SLC9A9: variants seen among roughly 807,000 people sequenced by gnomAD.
The protein encoded by SLC9A9 is sodium/hydrogen exchanger 9.
In SLC9A9, 62 loss-of-function variants were observed where a neutral mutation model predicts 77.8. The ratio of observed to expected loss-of-function variants is 0.80; its 90% confidence interval spans 0.65 to 0.98. The LOEUF is 0.98. Among genes scored for constraint, SLC9A9 ranks in the 50% least tolerant of loss-of-function variants. The pLI, the probability that SLC9A9 is intolerant of heterozygous loss-of-function variation, is 0.00. For synonymous variants in SLC9A9, 320 were observed against 283.5 expected (o/e 1.13, Z -1.29); for missense variants, 775 against 774.9 (o/e 1.00, Z 0.00).
intron 9 of SLC9A9, among the ~76,000 whole-genome samples, chr3:143,512,584 A>C (rs2108606447): frequency 6.6e-6 from 1 of 152,370 alleles, no homozygotes; most frequent in East Asian, 1.9e-4. Context: ...ATGTCTAAAA[A>C]ACAATGTACA....
intron 6 of SLC9A9, among the ~76,000 whole-genome samples, chr3:143,618,376 C>A (rs2038143043): frequency 6.6e-6 from 1 of 152,110 alleles, no homozygotes; most frequent in African/African-American, 2.4e-5. Context: ...TGCCAATGGT[C>A]AGAGCCTTCC....
At chr3:143,790,019 T>A (rs572293164) in intron 4 of SLC9A9, among the ~76,000 whole-genome samples, 1 of 152,260 alleles carries the variant, frequency 6.6e-6, no homozygotes, top group East Asian at 1.9e-4. Context: ...AATCCCCATA[T>A]GTTAGGGGAG....
At chr3:143,355,738 C>A (rs973201276) in intron 14 of SLC9A9, among the ~76,000 whole-genome samples, 1 of 152,048 alleles carries the variant, frequency 6.6e-6, no homozygotes, top group Non-Finnish European at 1.5e-5. Flanking sequence ...CAGGATGGTG[C>A]CTGGCATGTG....
At chr3:143,712,092 C>T (rs78271877) in intron 4 of SLC9A9, among the ~76,000 whole-genome samples, 1,687 of 152,248 alleles carry the variant, frequency 0.011, 16 homozygotes, top group African/African-American at 0.031. Flanking sequence ...AAACGTACAC[C>T]GTTCTGCAAG....
intron 2 of SLC9A9, among the ~76,000 whole-genome samples, chr3:143,799,063 T>G (rs1009787122): frequency 2.0e-5 from 3 of 152,176 alleles, no homozygotes; most frequent in African/African-American, 7.2e-5. Flanking sequence ...CTCCCCCACC[T>G]GCCCAGCAAT....
chr3:143,660,234 T>C (rs1283168057), intron 5 of SLC9A9, among the ~76,000 whole-genome samples: 1 of 152,154 alleles, frequency 6.6e-6, no homozygotes, highest in Admixed American at 6.5e-5. Context: ...AAAAATTTAT[T>C]AGGCTATAGT....
chr3:143,462,690 G>A lies in SLC9A9; in HGVS notation c.1469+4347C>T, dbSNP rs962218023. On this transcript the variant is annotated intron_variant, in intron 12 of 15. Transcript: ENST00000316549. ...ACTGAAGAATTTCTGTGTTGTATGAGCCAGTCAGCCCAATCACTTGTGATG... is the reference window on the plus strand; with the variant it reads ...ACTGAAGAATTTCTGTGTTGTATGAACCAGTCAGCCCAATCACTTGTGATG... Among the ~76,000 whole-genome samples, 5 of 152,330 alleles carry A rather than the reference G, an allele frequency of 3.3e-5. No individual in the cohort carries two copies. In the East Asian group the frequency reaches 7.7e-4, roughly 24 times the overall value.
intron 5 of SLC9A9, 148 bp from the exon 6 acceptor site, chr3:143,652,508 A>G (rs2038814614): frequency 1.4e-6 from 1 of 702,842 alleles, no homozygotes; most frequent in South Asian, 1.6e-5. Flanking sequence ...TTCAAAAAAT[A>G]TCTGATGCTT....
At chr3:143,524,305 G>A (rs1278881041) in intron 9 of SLC9A9, among the ~76,000 whole-genome samples, 3 of 151,370 alleles carry the variant, frequency 2.0e-5, no homozygotes, top group African/African-American at 7.3e-5. Flanking sequence ...GAGGGATAGA[G>A]GCTGAACTGA....
intron 4 of SLC9A9, among the ~76,000 whole-genome samples, chr3:143,717,785 T>A (rs1350756474): frequency 6.6e-6 from 1 of 152,202 alleles, no homozygotes; most frequent in African/African-American, 2.4e-5. Context: ...TTTTTAGTAG[T>A]CAATGCAATT....
chr3:143,520,354 C>T (rs1460409820), intron 9 of SLC9A9, among the ~76,000 whole-genome samples: 1 of 152,106 alleles, frequency 6.6e-6, no homozygotes, highest in East Asian at 1.9e-4. Flanking sequence ...GTCCTCTGTC[C>T]ATCATGTGCG....
In SLC9A9 at chr3:143,307,099, T is replaced by A. The variant is rs563165220; in HGVS notation, c.1605-38119A>T. On this transcript the variant is annotated intron_variant, in intron 14 of 15. Transcript: ENST00000316549. ...TTTGTCTGTTCTTTCTAATAGAGGGTTAGCTCAGTGATTGCCTGGTTTAGG... is the reference window on the plus strand; with the variant it reads ...TTTGTCTGTTCTTTCTAATAGAGGGATAGCTCAGTGATTGCCTGGTTTAGG... Among the ~76,000 whole-genome samples, 16 of 152,328 alleles carry A rather than the reference T, an allele frequency of 1.1e-4. No individual in the cohort carries two copies. The South Asian group carries it at 3.3e-3, about 32-fold the overall frequency.
At chr3:143,500,824 A>G (rs2035911477) in intron 9 of SLC9A9, among the ~76,000 whole-genome samples, 1 of 150,688 alleles carries the variant, frequency 6.6e-6, no homozygotes, top group African/African-American at 2.5e-5. Context: ...TGGTATTTAT[A>G]AAATATCATA....
chr3:143,805,754 C>A (rs1171262329), intron 2 of SLC9A9, among the ~76,000 whole-genome samples: 1 of 152,068 alleles, frequency 6.6e-6, no homozygotes, highest in Non-Finnish European at 1.5e-5. Context: ...AGAGAACAAC[C>A]CCCTTTGACT....
intron 12 of SLC9A9, among the ~76,000 whole-genome samples, chr3:143,452,503 TAAAAA>T (rs58038873): frequency 9.2e-6 from 1 of 108,884 alleles, no homozygotes; most frequent in Non-Finnish European, 1.9e-5. Flanking sequence ...TTAAAAAGAC[TAAAAA>T]AAAAAAAAAA....
chr3:143,653,861 C>A (rs1302787326), intron 5 of SLC9A9, among the ~76,000 whole-genome samples: 4 of 152,156 alleles, frequency 2.6e-5, no homozygotes, highest in Admixed American at 2.6e-4. Flanking sequence ...ACAAATATAC[C>A]TCACTGGTTT....
intron 9 of SLC9A9, among the ~76,000 whole-genome samples, chr3:143,511,140 A>G (rs949491641): frequency 6.6e-6 from 1 of 152,222 alleles, no homozygotes; most frequent in Non-Finnish European, 1.5e-5. Context: ...CCCAGACACC[A>G]CAATGGATGC....
intron 5 of SLC9A9, among the ~76,000 whole-genome samples, chr3:143,667,672 T>A (rs2039091771): frequency 6.6e-6 from 1 of 152,074 alleles, no homozygotes; most frequent in Admixed American, 6.6e-5. Context: ...AGTGGGTGAA[T>A]GATATGAACA....
At chr3:143,381,526 T>C in intron 13 of SLC9A9, 1 of 160,104 alleles carries the variant, frequency 6.2e-6, no homozygotes, top group African/African-American at 2.4e-5. Flanking sequence ...AATGAACTAA[T>C]ATATGAGGGA....
Sources: allele counts gnomAD v4.1 joint callset (sites outside exome capture counted in the v4.1 genomes callset), GRCh38; gene constraint gnomAD v4.1.1; transcripts MANE v1.5; gene names NCBI Gene and HGNC (gene_info 2026-07-23, HGNC 2026-07-21).